ADAMTS17: variants seen among roughly 807,000 people sequenced by gnomAD.
ADAMTS17 encodes the protein A disintegrin and metalloproteinase with thrombospondin motifs 17.
A neutral mutation model predicts 141.5 loss-of-function variants in ADAMTS17; 113 were observed. The ratio of observed to expected loss-of-function variants is 0.80; its 90% confidence interval spans 0.69 to 0.93. The LOEUF is 0.93. Among genes scored for constraint, ADAMTS17 ranks in the 40% least tolerant of loss-of-function variants. ADAMTS17 has a pLI of 0.00. For synonymous variants in ADAMTS17, 768 were observed against 630.6 expected, an observed-to-expected ratio of 1.22 and a Z score of -3.27; for missense variants, 1,659 against 1,517.9, an observed-to-expected ratio of 1.09 and a Z score of -1.54.
intron 6 of ADAMTS17, among the ~76,000 whole-genome samples, chr15:100,257,722 C>T (rs2043374317): frequency 6.6e-6 from 1 of 152,202 alleles, no homozygotes; most frequent in Non-Finnish European, 1.5e-5. Context: ...TTAGTTAAAA[C>T]AGAACATTTT....
At chr15:100,114,953 C>T (rs62038583) in intron 13 of ADAMTS17, among the ~76,000 whole-genome samples, 270 of 152,292 alleles carry the variant, frequency 1.8e-3, no homozygotes, top group South Asian at 3.1e-3. Context: ...ATAAATAAGA[C>T]GGGAGCATTG....
chr15:100,067,830 A>C (rs537348621), intron 15 of ADAMTS17, among the ~76,000 whole-genome samples: 1 of 152,220 alleles, frequency 6.6e-6, no homozygotes, highest in East Asian at 1.9e-4. Context: ...TGTGAGTGAC[A>C]CAGAAGACAG....
intron 8 of ADAMTS17, among the ~76,000 whole-genome samples, chr15:100,173,359 G>A (rs1194528001): frequency 6.6e-6 from 1 of 152,112 alleles, no homozygotes; most frequent in Non-Finnish European, 1.5e-5. Flanking sequence ...GTTGCCTTGA[G>A]AGAGAACAGT....
intron 7 of ADAMTS17, among the ~76,000 whole-genome samples, chr15:100,251,361 C>G (rs1273688435): frequency 6.6e-6 from 1 of 152,218 alleles, no homozygotes; most frequent in Admixed American, 6.5e-5. Flanking sequence ...TGACTTGTGT[C>G]CCCACAAAAT....
Position 99,974,514 on chromosome 15 carries a change from C to T in ADAMTS17, c.3176G>A (p.Arg1059Gln), listed in dbSNP as rs745497667. The change falls in exon 22 of 22, where the codon CGG becomes CAG. Residue 1059 changes from arginine (R) to glutamine (Q), a missense_variant. Transcript: ENST00000268070. ...GCAGAGGTTCTTTTCTCGGATGACC[C>T]GGCAATATACCGTCCACTGGTCTCG... ...CTRDQWTVYC[R>Q]VIREKNLCQD... 5.2e-5 allele frequency: 84 copies of T among 1,614,080 alleles called. No homozygotes were observed. The highest frequency in any genetic ancestry group is 6.8e-5 in the Non-Finnish European group (80 of 1,180,032).
chr15:100,161,690 C>A (rs561857616), intron 8 of ADAMTS17, among the ~76,000 whole-genome samples: 1 of 152,256 alleles, frequency 6.6e-6, no homozygotes, highest in East Asian at 1.9e-4. Flanking sequence ...GTACTTCTTG[C>A]CAAGGACCAG....
chr15:100,272,344 T>C (rs1336414922), intron 4 of ADAMTS17, among the ~76,000 whole-genome samples: 1 of 152,174 alleles, frequency 6.6e-6, no homozygotes, highest in Non-Finnish European at 1.5e-5. Context: ...ATGATGGCTT[T>C]CCATTTATGT....
At chr15:100,039,623 A>G (rs1355050807) in intron 18 of ADAMTS17, among the ~76,000 whole-genome samples, 1 of 152,042 alleles carries the variant, frequency 6.6e-6, no homozygotes, top group African/African-American at 2.4e-5. Context: ...TATTATTTCT[A>G]TTGTTTTGTG....
intron 4 of ADAMTS17, among the ~76,000 whole-genome samples, chr15:100,268,851 G>C (rs1414534314): frequency 6.6e-6 from 1 of 152,174 alleles, no homozygotes; most frequent in Non-Finnish European, 1.5e-5. Context: ...AATAAAGCCA[G>C]AAGTATCACA....
chr15:100,133,727 G>T (rs1385778448), intron 10 of ADAMTS17, among the ~76,000 whole-genome samples: 1 of 152,278 alleles, frequency 6.6e-6, no homozygotes, highest in East Asian at 1.9e-4. Context: ...CATCAGGGAG[G>T]GCTTGCTGGA....
intron 7 of ADAMTS17, among the ~76,000 whole-genome samples, chr15:100,217,505 A>G (rs1043787316): frequency 6.6e-6 from 1 of 152,148 alleles, no homozygotes; most frequent in African/African-American, 2.4e-5. Context: ...AGGCTGAGGC[A>G]GGAGAATCGC....
At chr15:100,130,228 G>C (rs776552752) in intron 12 of ADAMTS17, among the ~76,000 whole-genome samples, 2 of 152,076 alleles carry the variant, frequency 1.3e-5, no homozygotes, top group Admixed American at 1.3e-4. Context: ...GCTGGGAGTT[G>C]TGGTGCACTC....
intron 15 of ADAMTS17, among the ~76,000 whole-genome samples, chr15:100,055,001 A>C (rs899504477): frequency 2.0e-5 from 3 of 152,116 alleles, no homozygotes; most frequent in African/African-American, 7.2e-5. Flanking sequence ...GCTGTTATTT[A>C]GGGAAAAAAA....
intron 4 of ADAMTS17, among the ~76,000 whole-genome samples, chr15:100,269,279 G>T (rs984174460): frequency 1.3e-4 from 20 of 152,180 alleles, no homozygotes; most frequent in Non-Finnish European, 2.9e-5. Context: ...TGACAAGTGA[G>T]ATCTATTAAA....
chr15:100,194,166 C>T (rs1347161861), intron 8 of ADAMTS17, among the ~76,000 whole-genome samples: 1 of 152,214 alleles, frequency 6.6e-6, no homozygotes, highest in Non-Finnish European at 1.5e-5. Context: ...TGTCACCCCA[C>T]CTAGAAGGTC....
chr15:100,070,856 T>C (rs1047365966), intron 15 of ADAMTS17, among the ~76,000 whole-genome samples: 5 of 149,300 alleles, frequency 3.3e-5, no homozygotes, highest in Admixed American at 2.0e-4. Flanking sequence ...AGCAAACACA[T>C]TCAAAAGCTA....
At chr15:99,974,583 A>G in intron 21 of ADAMTS17, 21 bp from the exon 22 acceptor site, 1 of 1,614,146 alleles carries the variant, frequency 6.2e-7, no homozygotes, top group Non-Finnish European at 8.5e-7. Flanking sequence ...AGGAGAGAGA[A>G]TACCCAGGGT....
At chr15:100,037,763 C>T (rs1427546332) in intron 18 of ADAMTS17, among the ~76,000 whole-genome samples, 1 of 151,596 alleles carries the variant, frequency 6.6e-6, no homozygotes, top group Non-Finnish European at 1.5e-5. Flanking sequence ...AATATTTTTC[C>T]CATTCTTTGA....
intron 18 of ADAMTS17, among the ~76,000 whole-genome samples, chr15:100,034,573 C>A (rs552861135): frequency 1.3e-5 from 2 of 152,214 alleles, no homozygotes. Flanking sequence ...AAGGACCCCG[C>A]GTGTACACCA....
Sources: allele counts gnomAD v4.1 joint callset (sites outside exome capture counted in the v4.1 genomes callset), GRCh38; gene constraint gnomAD v4.1.1; transcripts MANE v1.5; gene names NCBI Gene and HGNC (gene_info 2026-07-23, HGNC 2026-07-21).